The following NBPF20 variants were observed in gnomAD, a reference collection of about 807,000 sequenced individuals.
NBPF20 encodes the protein NBPF member 20, also known as NBPF family member NBPF20.
In NBPF20, 90 loss-of-function variants were observed where a neutral mutation model predicts 68.1. The ratio of observed to expected loss-of-function variants is 1.32; its 90% CI spans 1.11 to 1.58. The LOEUF is 1.58. Among genes scored for constraint, NBPF20 ranks in the 40% most tolerant of loss-of-function variants. The pLI, the probability that NBPF20 is intolerant of heterozygous loss-of-function variation, is 0.00. For synonymous variants in NBPF20, 290 were observed against 228.1 expected, an observed-to-expected ratio of 1.27 and a Z score of -2.45; for missense variants, 816 against 601.2, an observed-to-expected ratio of 1.36 and a Z score of -3.74.
upstream of NBPF20, among the ~76,000 whole-genome samples, chr1:145,409,147 GA>G (rs1553668413): frequency 1.3e-5 from 2 of 150,578 alleles, no homozygotes; most frequent in South Asian, 4.2e-4. Context: ...TTCTATAAAT[GA>G]AATGATACCT....
intron 8 of NBPF20, 56 bp downstream of exon 13, chr1:145,394,922 G>A: frequency 6.2e-7 from 1 of 1,601,694 alleles, no homozygotes; most frequent in Admixed American, 1.7e-5. Flanking sequence ...CAAAGATTAT[G>A]GGGTCTACCT....
At chr1:145,404,545 C>G (rs1265820411) in intron 2 of NBPF20, among the ~76,000 whole-genome samples, 3 of 152,100 alleles carry the variant, frequency 2.0e-5, no homozygotes, top group African/African-American at 4.8e-5. Context: ...GAGTGAGCCA[C>G]GTTGCACGGC....
chr1:145,291,359 A>G (rs1341475791), exon 138 of NBPF20: 1 of 1,478,464 alleles, frequency 6.8e-7, no homozygotes, highest in Non-Finnish European at 9.1e-7. Context: ...TTGTCTTCAG[A>G]CTGAGCACAG....
chr1:145,406,249 A>C (rs1662782531), upstream of NBPF20, among the ~76,000 whole-genome samples: 1 of 151,792 alleles, frequency 6.6e-6, no homozygotes, highest in South Asian at 2.1e-4. Context: ...CTCTTTACTC[A>C]GGTGGGTATA....
chr1:145,291,385 G>A lies in NBPF20; in HGVS notation c.*141C>T, dbSNP rs587690326. 3 of 1,571,250 alleles carry A rather than the reference G, an allele frequency of 1.9e-6. No homozygotes were observed. The African/African-American group carries it at 4.1e-5, about 22-fold the overall frequency. ...CTGAGCACAGGTTGCCACTGGCATG[G>A]TTTGAGAATAGGAATACAGCCATGC... On this transcript the variant is annotated 3_prime_UTR_variant, in exon 138 of 138. Coordinates refer to ENST00000369373, the Ensembl canonical transcript of NBPF20.
chr1:145,419,133 GAGGAAGGAAGGA>G, the NBPF20 span, among the ~76,000 whole-genome samples: 44 of 139,162 alleles, frequency 3.2e-4, no homozygotes, highest in African/African-American at 1.2e-3. Context: ...GGGAGGAAGG[GAGGAAGGAAGGA>G]AGGAAGGAAG....
intron 28 of NBPF20, 57 bp from the exon 34 acceptor site, chr1:145,378,151 C>G (rs1661865303): frequency 1.1e-5 from 1 of 93,882 alleles, no homozygotes; most frequent in South Asian, 5.6e-5. Flanking sequence ...ACACACATAA[C>G]AATCCACTGT....
At chr1:145,338,050 C>G (rs1661588375) in intron 79 of NBPF20, among the ~76,000 whole-genome samples, 3 of 95,060 alleles carry the variant, frequency 3.2e-5, no homozygotes, top group Non-Finnish European at 6.6e-5. Flanking sequence ...CACACACACA[C>G]ACAGAGAGAG....
In NBPF20 at chr1:145,291,637, T is replaced by A. The variant is rs199949374; in HGVS notation, c.16830A>T (p.Ser5610=). 3.7e-6 allele frequency: 6 copies of A among 1,611,888 alleles called. No individual in the cohort carries two copies. In the South Asian group the frequency reaches 6.6e-5, roughly 18 times the overall value. The change falls in exon 138 of 138, where the codon TCA becomes TCT. Residue 5610 remains serine, a synonymous_variant. Transcript: ENST00000369373. ...CGAAGCTGATGTGCTGTTCCTCAAA[T>A]GAGTAAAACACACTTCTGTAGTGCT... is the stretch of plus-strand genomic sequence containing the variant.
the NBPF20 span, among the ~76,000 whole-genome samples, chr1:145,423,600 A>G: frequency 6.6e-5 from 10 of 152,154 alleles, no homozygotes; most frequent in Admixed American, 2.0e-4. Context: ...AGAAAAACAA[A>G]CATATCAATG....
intron 8 of NBPF20, 71 bp from the exon 14 acceptor site, chr1:145,394,006 C>A (rs1662086288): frequency 1.2e-6 from 1 of 832,944 alleles, no homozygotes. Flanking sequence ...ATTCCTCTGT[C>A]CAATCCTAAC....
chr1:145,401,024 C>T, intron 5 of NBPF20, 35 bp downstream of exon 10: 1 of 1,536,106 alleles, frequency 6.5e-7, no homozygotes, highest in Non-Finnish European at 9.0e-7. Flanking sequence ...TCATATGTTA[C>T]CATCCATTAA....
At chr1:145,306,306 C>T in intron 119 of NBPF20, among the ~76,000 whole-genome samples, 1 of 149,130 alleles carries the variant, frequency 6.7e-6, no homozygotes, top group South Asian at 2.2e-4. Flanking sequence ...CACAGACACA[C>T]ACACACACAC....
chr1:145,403,772 A>T (rs1662637265), intron 2 of NBPF20, among the ~76,000 whole-genome samples: 1 of 151,758 alleles, frequency 6.6e-6, no homozygotes, highest in South Asian at 2.1e-4. Flanking sequence ...AAAGATTTTT[A>T]AAATCTTTGA....
At chr1:145,399,790 A>AAC (rs1553664833) in intron 6 of NBPF20, among the ~76,000 whole-genome samples, 2 of 135,328 alleles carry the variant, frequency 1.5e-5, no homozygotes, top group Admixed American at 1.5e-4. Context: ...AAAAAAAAAA[A>AAC]AAAAAAAAAT....
rs782107386 is a variant in NBPF20, at chr1:145,292,514, G to C, written c.16589-25C>G. 3 of 696,334 alleles carry C rather than the reference G, an allele frequency of 4.3e-6. 1 individual carries two copies. Among genetic ancestry groups the C allele is most frequent in the African/African-American group, 4.2e-5 (2 of 48,146 alleles). The allele number at this position is 696,334 out of a possible 1,614,324, so 43.1% of individuals were successfully genotyped here. A position where few individuals can be genotyped will look rare whatever the true frequency, so the allele number is the denominator to read the frequency against. On this transcript the variant is annotated intron_variant, in intron 136 of 137. Transcript: ENST00000369373. ...TCTGCAATAAATTCAGACATGGACA[G>C]ACACATTAAGCTGATTCCCCTACAC... is the stretch of plus-strand genomic sequence containing the variant.
Position 145,292,500 on chromosome 1 carries a change from T to C in NBPF20, c.16589-11A>G, listed in dbSNP as rs1661193780. On this transcript the variant is annotated splice_polypyrimidine_tract_variant and intron_variant, in intron 136 of 137. Transcript: ENST00000369373. Reference sequence around the variant, plus strand: ...CCTTCTTTTCAATTTCTGCAATAAATTCAGACATGGACAGACACATTAAGC... The same window carrying C: ...CCTTCTTTTCAATTTCTGCAATAAACTCAGACATGGACAGACACATTAAGC... 7 of 706,822 alleles carry C rather than the reference T, an allele frequency of 9.9e-6. No individual in the cohort carries two copies. Among genetic ancestry groups the C allele is most frequent in the South Asian group, 3.0e-5 (2 of 67,284 alleles). 43.8% of individuals were successfully genotyped at this position (706,822 alleles called of 1,614,324 possible).
chr1:145,414,996 G>A, the NBPF20 span, among the ~76,000 whole-genome samples: 13 of 152,288 alleles, frequency 8.5e-5, no homozygotes, highest in South Asian at 4.1e-4. Context: ...GGGGACCGGC[G>A]TTCAGCATAC....
At chr1:145,425,015 G>A in the NBPF20 span, among the ~76,000 whole-genome samples, 1 of 152,148 alleles carries the variant, frequency 6.6e-6, no homozygotes, top group Non-Finnish European at 1.5e-5. Flanking sequence ...GTCTGGCCTC[G>A]AGGGTGGGGT....
Sources: gnomAD v4.1 joint callset for allele counts (sites outside exome capture counted in the v4.1 genomes callset) on GRCh38, gnomAD v4.1.1 for gene constraint, MANE v1.5 for transcripts, NCBI Gene and HGNC (gene_info 2026-07-23, HGNC 2026-07-21) for gene names.